TLR6: variants seen among roughly 807,000 people sequenced by gnomAD.
TLR6 encodes toll like receptor 6, also known as toll-like receptor 6.
A neutral mutation model predicts 16.1 loss-of-function variants in TLR6; 9 were observed. That is an observed-to-expected ratio of 0.56 (90% confidence interval 0.34 to 0.98). The LOEUF (loss-of-function observed/expected upper bound fraction) is 0.98, where lower values mean the gene tolerates loss of function less well. Ranked by LOEUF, TLR6 falls within the 50% of genes least tolerant of loss-of-function variation. TLR6 has a pLI of 0.02. For missense variants in TLR6, 786 were observed against 921.0 expected (o/e 0.85, Z 1.90); for synonymous variants, 340 against 338.6 (o/e 1.00, Z -0.04).
At chr4:38,831,674 A>G (rs1711594011) in intron 1 of TLR6, among the ~76,000 whole-genome samples, 1 of 152,220 alleles carries the variant, frequency 6.6e-6, no homozygotes, top group South Asian at 2.1e-4. Flanking sequence ...AAGAAAACAA[A>G]CAACCTAGTT....
the TLR6 span, among the ~76,000 whole-genome samples, chr4:38,862,930 T>TAAA: frequency 0.15 from 12,445 of 82,892 alleles, 1,053 homozygotes; most frequent in Middle Eastern, 0.33. Flanking sequence ...TTCTCCCATC[T>TAAA]AAAAAAAAAA....
the TLR6 span, chr4:38,868,047 GC>G: frequency 2.3e-6 from 1 of 425,532 alleles, no homozygotes; most frequent in Non-Finnish European, 4.8e-6. Flanking sequence ...CTGCGTGGGT[GC>G]GGGCGTGTGA....
At chr4:38,835,001 T>A (rs374039372) in intron 1 of TLR6, among the ~76,000 whole-genome samples, 77 of 151,972 alleles carry the variant, frequency 5.1e-4, no homozygotes, top group African/African-American at 1.6e-3. Flanking sequence ...AGAGTTGAAG[T>A]TACTACTACA....
At chr4:38,837,551 A>G (rs1231250897) in intron 1 of TLR6, among the ~76,000 whole-genome samples, 1 of 152,224 alleles carries the variant, frequency 6.6e-6, no homozygotes, top group Non-Finnish European at 1.5e-5. Flanking sequence ...AGACCCCTGT[A>G]AGAATGAAAC....
intron 1 of TLR6, among the ~76,000 whole-genome samples, chr4:38,851,314 C>G (rs1712762209): frequency 6.6e-6 from 1 of 152,190 alleles, no homozygotes; most frequent in African/African-American, 2.4e-5. Context: ...CCTTTGAAAA[C>G]TGGCACATGA....
exon 2 of TLR6, chr4:38,829,527 G>A (rs927753213): frequency 3.8e-6 from 4 of 1,064,480 alleles, no homozygotes; most frequent in Non-Finnish European, 5.5e-6. Context: ...ATCTTGATAT[G>A]AGTCCAAATT....
intron 1 of TLR6, among the ~76,000 whole-genome samples, chr4:38,832,377 C>T (rs1224349113): frequency 3.3e-5 from 5 of 152,162 alleles, no homozygotes; most frequent in Admixed American, 6.5e-5. Context: ...GGGACTAGCT[C>T]AGAACCAGGA....
At chr4:38,846,051 C>T (rs932046576) in intron 1 of TLR6, among the ~76,000 whole-genome samples, 2 of 148,056 alleles carry the variant, frequency 1.4e-5, no homozygotes, top group East Asian at 2.0e-4. Context: ...GAGATTGTGC[C>T]GCTGTACTCC....
intron 1 of TLR6, among the ~76,000 whole-genome samples, chr4:38,840,721 G>A (rs139624238): frequency 6.6e-6 from 1 of 152,136 alleles, no homozygotes; most frequent in East Asian, 1.9e-4. Context: ...GTATATGAGT[G>A]CATGCAGAAT....
upstream of TLR6, among the ~76,000 whole-genome samples, chr4:38,858,758 GGAGAGAGAGAGAGAGAGGGAGA>G (rs1560274464): frequency 6.6e-3 from 346 of 52,814 alleles, 7 homozygotes; most frequent in Non-Finnish European, 0.012. Context: ...AGAGAGAGAG[GGAGAGAGAGAGAGAGAGGGAGA>G]GAGAGAGAGA....
exon 2 of TLR6, chr4:38,824,452 T>TA (rs1215592044): frequency 1.3e-5 from 2 of 152,228 alleles, no homozygotes; most frequent in African/African-American, 4.8e-5. Flanking sequence ...GATGTAGGTT[T>TA]AACAAAATTA....
rs1272022840 is a variant in TLR6, at chr4:38,828,674, A to C, written c.800T>G (p.Val267Gly). 6.2e-6 allele frequency: 10 copies of C among 1,614,044 alleles called. No homozygotes were observed. The highest frequency in any genetic ancestry group is 5.5e-5 in the South Asian group (5 of 91,090). Reference sequence around the variant, plus strand: ...GGGCCAAAGAAATTGAAAGACTCTGACCAGGCATTTCCAAGTCGTTTCTAT... The same window carrying C: ...GGGCCAAAGAAATTGAAAGACTCTGCCCAGGCATTTCCAAGTCGTTTCTAT... The change falls in exon 2 of 2, where the codon GTC becomes GGC. Residue 267 changes from valine to glycine, a missense_variant. Coordinates refer to ENST00000436693, the Ensembl canonical transcript of TLR6.
At chr4:38,836,321 T>C (rs977155553) in intron 1 of TLR6, among the ~76,000 whole-genome samples, 4 of 151,750 alleles carry the variant, frequency 2.6e-5, no homozygotes, top group African/African-American at 9.7e-5. Context: ...CACAGAAATA[T>C]AAAAGATCAT....
chr4:38,862,447 A>AT, the TLR6 span, among the ~76,000 whole-genome samples: 1 of 151,524 alleles, frequency 6.6e-6, no homozygotes, highest in Non-Finnish European at 1.5e-5. Context: ...CTCTCCGCTA[A>AT]TTTTTGTATT....
upstream of TLR6, among the ~76,000 whole-genome samples, chr4:38,860,316 A>T (rs1296688594): frequency 6.6e-6 from 1 of 152,120 alleles, no homozygotes; most frequent in African/African-American, 2.4e-5. Context: ...TACTAAAAAT[A>T]CAAAAATTAG....
chr4:38,826,719 G>A (rs1157436635), exon 2 of TLR6: 1 of 170,070 alleles, frequency 5.9e-6, no homozygotes, highest in Non-Finnish European at 1.3e-5. Context: ...GCACTCCGAG[G>A]ACTGGTGCAT....
intron 1 of TLR6, among the ~76,000 whole-genome samples, chr4:38,854,109 T>C (rs1712870792): frequency 6.6e-6 from 1 of 152,254 alleles, no homozygotes. Context: ...TTAAGTTTAC[T>C]GTACTATTTA....
At chr4:38,863,330 A>G in the TLR6 span, among the ~76,000 whole-genome samples, 4 of 151,778 alleles carry the variant, frequency 2.6e-5, no homozygotes, top group African/African-American at 9.7e-5. Flanking sequence ...TCCTCTTTAT[A>G]TCTCTGGCAT....
At chr4:38,859,469 A>C (rs1031829981), upstream of TLR6, among the ~76,000 whole-genome samples, 1 of 152,040 alleles carries the variant, frequency 6.6e-6, no homozygotes, top group Non-Finnish European at 1.5e-5. Context: ...GTCTACATAC[A>C]TATGTTGATA....
Sources: gnomAD v4.1 joint callset for allele counts (sites outside exome capture counted in the v4.1 genomes callset) on GRCh38, gnomAD v4.1.1 for gene constraint, MANE v1.5 for transcripts, NCBI Gene and HGNC (gene_info 2026-07-23, HGNC 2026-07-21) for gene names.